ASTN2: variants seen among roughly 807,000 people sequenced by gnomAD.
ASTN2 encodes astrotactin 2.
ASTN2 carries 54 observed loss-of-function variants against 139.8 expected under a neutral mutation model. The ratio of observed to expected loss-of-function variants is 0.39; its 90% CI spans 0.31 to 0.48. The LOEUF (loss-of-function observed/expected upper bound fraction) is 0.48, where lower values mean the gene tolerates loss of function less well. Among genes scored for constraint, ASTN2 ranks in the 20% least tolerant of loss-of-function variants. ASTN2 has a pLI of 0.95. For missense variants in ASTN2, 1,565 were observed against 1,725.1 expected (o/e 0.91, Z 1.64); for synonymous variants, 756 against 719.5 (o/e 1.05, Z -0.81).
chr9:117,147,261 G>T (rs989624952), intron 3 of ASTN2, among the ~76,000 whole-genome samples: 1 of 152,074 alleles, frequency 6.6e-6, no homozygotes, highest in Non-Finnish European at 1.5e-5. Context: ...CCAACATGAT[G>T]AAACCCCATC....
chr9:116,532,078 TCG>T (rs1270608469), intron 19 of ASTN2, among the ~76,000 whole-genome samples: 1 of 152,250 alleles, frequency 6.6e-6, no homozygotes, highest in African/African-American at 2.4e-5. Flanking sequence ...TGAGATGGTA[TCG>T]CATTGTAGTT....
chr9:117,345,809 C>T (rs888805399), intron 1 of ASTN2, among the ~76,000 whole-genome samples: 8 of 152,066 alleles, frequency 5.3e-5, no homozygotes, highest in African/African-American at 1.9e-4. Flanking sequence ...CCCTAGTCCA[C>T]TTTCTTTAAC....
Position 116,875,863 on chromosome 9 carries a change from C to T in ASTN2, c.1890-12130G>A, listed in dbSNP as rs146777786. ...GCATGGTTTACTGAATATTTTAAGC[C>T]CACTGTTGAGAACTCCTGCTCAGAA... On this transcript the variant is annotated intron_variant, in intron 10 of 22. Coordinates refer to ENST00000313400, the MANE Select transcript of ASTN2 (RefSeq NM_001365068.1). 1.5e-3 allele frequency among the ~76,000 whole-genome samples: 233 copies of T among 152,230 alleles called. 1 individual carries two copies. The Middle Eastern group carries it at 0.027, about 18-fold the overall frequency.
At chr9:116,842,687 G>A (rs1476329390) in intron 11 of ASTN2, among the ~76,000 whole-genome samples, 3 of 143,484 alleles carry the variant, frequency 2.1e-5, no homozygotes, top group African/African-American at 5.1e-5. Context: ...TTCAGCTGCC[G>A]CTCAATTTGT....
intron 1 of ASTN2, among the ~76,000 whole-genome samples, chr9:117,346,080 C>T (rs1829208657): frequency 6.7e-6 from 1 of 149,578 alleles, no homozygotes; most frequent in Non-Finnish European, 1.5e-5. Context: ...GTCTAACCCT[C>T]AGTGGAGGCT....
At chr9:117,339,952 C>T (rs552482599) in intron 1 of ASTN2, among the ~76,000 whole-genome samples, 4 of 151,184 alleles carry the variant, frequency 2.6e-5, no homozygotes, top group Non-Finnish European at 4.4e-5. Flanking sequence ...GATACCATAG[C>T]GTTTTATTTA....
intron 20 of ASTN2, among the ~76,000 whole-genome samples, chr9:116,472,450 C>T (rs938283733): frequency 6.6e-6 from 1 of 152,200 alleles, no homozygotes; most frequent in African/African-American, 2.4e-5. Flanking sequence ...TCACCTTCTA[C>T]CCCCAATATG....
At chr9:116,805,201 A>C (rs1830999209) in intron 13 of ASTN2, among the ~76,000 whole-genome samples, 1 of 151,878 alleles carries the variant, frequency 6.6e-6, no homozygotes, top group South Asian at 2.1e-4. Flanking sequence ...AAGAGCATTC[A>C]GGAAAATGTT....
At chr9:116,508,188 G>A (rs887586046) in intron 19 of ASTN2, among the ~76,000 whole-genome samples, 12 of 152,188 alleles carry the variant, frequency 7.9e-5, no homozygotes, top group African/African-American at 2.2e-4. Flanking sequence ...ACCACGCCCC[G>A]TAACAACTTT....
At chr9:116,812,933 GT>G (rs1443656446) in intron 12 of ASTN2, among the ~76,000 whole-genome samples, 1 of 152,168 alleles carries the variant, frequency 6.6e-6, no homozygotes, top group Non-Finnish European at 1.5e-5. Context: ...GATCCCCTGA[GT>G]TTTGAAACAG....
chr9:116,636,021 C>CT (rs1028438322), intron 17 of ASTN2, among the ~76,000 whole-genome samples: 3 of 152,152 alleles, frequency 2.0e-5, no homozygotes, highest in African/African-American at 7.2e-5. Flanking sequence ...ATAGAACAGG[C>CT]TTGCCCATGC....
chr9:116,732,698 T>C (rs763272203), intron 14 of ASTN2, among the ~76,000 whole-genome samples: 3 of 152,094 alleles, frequency 2.0e-5, no homozygotes, highest in African/African-American at 4.8e-5. Flanking sequence ...ACAGAAAATA[T>C]GGAGTCTCAG....
chr9:117,286,680 T>A (rs1320981178), intron 2 of ASTN2, among the ~76,000 whole-genome samples: 2 of 152,232 alleles, frequency 1.3e-5, no homozygotes, highest in African/African-American at 4.8e-5. Context: ...GCACCTGTAG[T>A]CAAATCACTC....
intron 19 of ASTN2, among the ~76,000 whole-genome samples, chr9:116,588,978 G>T (rs36080295): frequency 0.16 from 24,674 of 152,178 alleles, 2,521 homozygotes; most frequent in Non-Finnish European, 0.23. Flanking sequence ...TTGACTTGGG[G>T]AGGAAGATTT....
chr9:116,464,318 G>C (rs544588808), intron 20 of ASTN2, among the ~76,000 whole-genome samples: 21 of 152,160 alleles, frequency 1.4e-4, no homozygotes, highest in African/African-American at 5.1e-4. Context: ...TATGCACTTG[G>C]TTTTCTAAGT....
intron 10 of ASTN2, among the ~76,000 whole-genome samples, chr9:116,870,744 A>C (rs1007385785): frequency 1.3e-5 from 2 of 152,168 alleles, no homozygotes; most frequent in Middle Eastern, 3.2e-3. Context: ...ATGCAGGGTG[A>C]GCATTAGGCA....
At chr9:117,142,166 T>G (rs1830090751) in intron 3 of ASTN2, among the ~76,000 whole-genome samples, 1 of 152,224 alleles carries the variant, frequency 6.6e-6, no homozygotes, top group Non-Finnish European at 1.5e-5. Flanking sequence ...TAAAGACATC[T>G]GGTAGGCCAC....
At chr9:117,163,204 C>G (rs1189588950) in intron 3 of ASTN2, among the ~76,000 whole-genome samples, 1 of 152,068 alleles carries the variant, frequency 6.6e-6, no homozygotes, top group Non-Finnish European at 1.5e-5. Context: ...ACAGCTACAA[C>G]TCCAGTTAGG....
At chr9:116,950,800 C>T (rs1200548498) in intron 10 of ASTN2, among the ~76,000 whole-genome samples, 1 of 152,158 alleles carries the variant, frequency 6.6e-6, no homozygotes, top group African/African-American at 2.4e-5. Flanking sequence ...TAGTACATGC[C>T]AGATCTGGCC....
Sources: gnomAD v4.1 joint callset for allele counts (sites outside exome capture counted in the v4.1 genomes callset) on GRCh38, gnomAD v4.1.1 for gene constraint, MANE v1.5 for transcripts, NCBI Gene and HGNC (gene_info 2026-07-23, HGNC 2026-07-21) for gene names.